ACOT7: variants seen among roughly 807,000 people sequenced by gnomAD.
ACOT7 encodes acyl-CoA thioesterase 7.
A neutral mutation model predicts 40.2 loss-of-function variants in ACOT7; 12 were observed. The observed-to-expected ratio is 0.30, with a 90% CI of 0.19 to 0.48. The LOEUF is 0.48. ACOT7 is among the 20% of genes least tolerant of loss of function. ACOT7 has a pLI of 0.99. For synonymous variants in ACOT7, 228 were observed against 219.5 expected (o/e 1.04, Z -0.34); for missense variants, 395 against 530.8 (o/e 0.74, Z 2.51).
At chr1:6,339,033 A>C (rs1009130137) in intron 3 of ACOT7, among the ~76,000 whole-genome samples, 9 of 152,178 alleles carry the variant, frequency 5.9e-5, no homozygotes, top group African/African-American at 2.2e-4. Context: ...CTCTGGAGCC[A>C]ACACCTCCCT....
In ACOT7 at chr1:6,288,311, A is replaced by C. The variant is rs546832769; in HGVS notation, c.829+6553T>G. ...GGTGGGTGGGCACTTCCCATTTCCC[A>C]TGAGATCCAGTCGCACAGATGAAGC... On this transcript the variant is annotated intron_variant, in intron 7 of 8. Transcript: ENST00000361521. The surrounding 1 kb of genome is among the most constrained non-coding windows in gnomAD (Gnocchi z 4.3). Among the ~76,000 whole-genome samples the C allele has an allele frequency of 6.6e-6, 1 of 152,274 alleles. No individual in the cohort carries two copies. The highest frequency in any genetic ancestry group is 2.1e-4 in the South Asian group (1 of 4,816).
rs529771982 is a variant in ACOT7, at chr1:6,306,808, G to T, written c.712+11684C>A. 1 of 1,288,750 alleles carries T rather than the reference G, an allele frequency of 7.8e-7. No homozygotes were observed. The highest frequency in any genetic ancestry group is 2.3e-5 in the Admixed American group (1 of 43,514). 79.8% of individuals were successfully genotyped at this position (1,288,750 alleles called of 1,614,324 possible). ...TGTCCCACGTAGCAGTGGGGGCTCC[G>T]GCCAAACAAGGTCACGGAATTGGAA... On this transcript the variant is annotated intron_variant, in intron 6 of 8. Coordinates refer to ENST00000361521, the MANE Select transcript of ACOT7 (RefSeq NM_007274.4). This position sits in a 1 kb window ranked among gnomAD's most constrained non-coding sequence, Gnocchi z 4.3.
chr1:6,325,892 G>T lies in ACOT7; in HGVS notation c.625+1407C>A, dbSNP rs148201819. The stretch of plus-strand genomic sequence containing the variant: ...AGGGGCCAGGGCGCCTCTCGGCAGG[G>T]CTAGGAGCAGGTGGACCCCAGAGTG... On this transcript the variant is annotated intron_variant, in intron 5 of 8. Transcript: ENST00000361521. 1.5e-3 allele frequency among the ~76,000 whole-genome samples: 226 copies of T among 152,350 alleles called. No homozygotes were observed. The East Asian group carries it at 0.026, about 18-fold the overall frequency.
intron 2 of ACOT7, among the ~76,000 whole-genome samples, chr1:6,340,115 G>A (rs952523819): frequency 2.6e-5 from 4 of 151,946 alleles, no homozygotes; most frequent in Admixed American, 6.6e-5. Context: ...ACAGGCGCCC[G>A]CCACCATGCC....
At chr1:6,351,656 GA>G (rs1557663627) in intron 1 of ACOT7, among the ~76,000 whole-genome samples, 1 of 152,206 alleles carries the variant, frequency 6.6e-6, no homozygotes, top group African/African-American at 2.4e-5. Context: ...GAGCAGTGAG[GA>G]AACATCAGCC....
chr1:6,298,101 C>T lies in ACOT7; in HGVS notation c.713-3121G>A, dbSNP rs567643638. ...CTTTCAAACACCTGGGGCATCTGTT[C>T]GGCTCAACCTGTGCTGGGGGCATCA... On this transcript the variant is annotated intron_variant, in intron 6 of 8. Coordinates refer to ENST00000361521, the MANE Select transcript of ACOT7 (RefSeq NM_007274.4). Among the ~76,000 whole-genome samples the T allele has an allele frequency of 7.2e-5, 11 of 152,302 alleles. 1 individual carries two copies. Among genetic ancestry groups the T allele is most frequent in the South Asian group, 4.1e-4 (2 of 4,828 alleles).
intron 4 of ACOT7, among the ~76,000 whole-genome samples, chr1:6,332,578 G>A (rs767975638): frequency 2.0e-5 from 3 of 152,166 alleles, no homozygotes; most frequent in African/African-American, 4.8e-5. Flanking sequence ...CACTTTGGGA[G>A]GCCGAGGTGG....
chr1:6,288,193 G>A lies in ACOT7; in HGVS notation c.829+6671C>T, dbSNP rs1256922689. ...TACCGGGCTCCACGTGCCTTCCCCT[G>A]TGCTGGTCCCCTGGGTGCGGGCTCC... On this transcript the variant is annotated intron_variant, in intron 7 of 8. Coordinates refer to ENST00000361521, the MANE Select transcript of ACOT7 (RefSeq NM_007274.4). This position sits in a 1 kb window ranked among gnomAD's most constrained non-coding sequence, Gnocchi z 4.3. Among the ~76,000 whole-genome samples the A allele has an allele frequency of 6.6e-6, 1 of 152,206 alleles. No homozygotes were observed.
At chr1:6,321,211 G>A (rs1640636136) in intron 5 of ACOT7, among the ~76,000 whole-genome samples, 1 of 152,188 alleles carries the variant, frequency 6.6e-6, no homozygotes, top group Non-Finnish European at 1.5e-5. Flanking sequence ...GGAAATAGGG[G>A]CCCACGGCCC....
chr1:6,367,342 C>T (rs1642032801), intron 1 of ACOT7, among the ~76,000 whole-genome samples: 1 of 152,180 alleles, frequency 6.6e-6, no homozygotes, highest in South Asian at 2.1e-4. Context: ...CTTGTGGCAC[C>T]TTTGCCTAAG....
At position 6,311,061 on chromosome 1, in the gene ACOT7, C is replaced by T. The variant is rs1640316996; in HGVS notation, c.712+7431G>A. Among the ~76,000 whole-genome samples, 1 of 152,170 alleles carries T rather than the reference C, an allele frequency of 6.6e-6. No individual in the cohort carries two copies. The highest frequency in any genetic ancestry group is 2.1e-4 in the South Asian group (1 of 4,830). ...CCGGAATCTGCACTTTTAACAAGCA[C>T]AAAGATGGTTTCTAAGGCTCAGATG... On this transcript the variant is annotated intron_variant, in intron 6 of 8. Coordinates refer to ENST00000361521, the MANE Select transcript of ACOT7 (RefSeq NM_007274.4). This position sits in a 1 kb window ranked among gnomAD's most constrained non-coding sequence, Gnocchi z 5.2.
chr1:6,283,557 T>C (rs767278155), intron 7 of ACOT7, among the ~76,000 whole-genome samples: 2 of 152,258 alleles, frequency 1.3e-5, no homozygotes, highest in Non-Finnish European at 2.9e-5. Context: ...TTAATTGCTG[T>C]GTTAGAAATC....
chr1:6,362,516 T>C (rs890704179), intron 1 of ACOT7, among the ~76,000 whole-genome samples: 1 of 150,304 alleles, frequency 6.7e-6, no homozygotes, highest in Non-Finnish European at 1.5e-5. Context: ...GCCAAGCATA[T>C]AGAAAGAAGG....
chr1:6,289,914 A>G lies in ACOT7; in HGVS notation c.829+4950T>C, dbSNP rs1401090497. Among the ~76,000 whole-genome samples the G allele has an allele frequency of 6.6e-6, 1 of 151,754 alleles. No individual in the cohort carries two copies. Among genetic ancestry groups the G allele is most frequent in the Non-Finnish European group, 1.5e-5 (1 of 68,036 alleles). ...TGCTAAGACAGAATAATGTGCTCCC[A>G]AAAGATGCCCACACCCAAATCCACT... On this transcript the variant is annotated intron_variant, in intron 7 of 8. Coordinates refer to ENST00000361521, the MANE Select transcript of ACOT7 (RefSeq NM_007274.4). This position sits in a 1 kb window ranked among gnomAD's most constrained non-coding sequence, Gnocchi z 4.6.
At chr1:6,327,493 T>C (rs2148430922) in intron 4 of ACOT7, 80 bp from the exon 5 acceptor site, 2 of 1,280,432 alleles carry the variant, frequency 1.6e-6, no homozygotes, top group Non-Finnish European at 1.1e-6. Context: ...TCCCAGGCCC[T>C]TATAGCCTTG....
At chr1:6,339,739 GTT>G (rs57275707) in intron 2 of ACOT7, 150 bp from the exon 3 acceptor site, 5,426 of 518,970 alleles carry the variant, frequency 0.01, 4 homozygotes, top group East Asian at 0.016. Context: ...TGGCACCGCG[GTT>G]TTTTTTTTTT....
intron 1 of ACOT7, among the ~76,000 whole-genome samples, chr1:6,379,339 C>T (rs1412512564): frequency 6.6e-6 from 1 of 151,968 alleles, no homozygotes. Flanking sequence ...CTAATGCCTG[C>T]TCCCCAGCCT....
In ACOT7 at chr1:6,352,376, T is replaced by C. The variant is rs974386091; in HGVS notation, c.144-2510A>G. The stretch of plus-strand genomic sequence containing the variant: ...CTCTTCCCCTCCCCACCTCCCTCAT[T>C]CCTTCCAAACAGCTCAGGAACCGCT... On this transcript the variant is annotated intron_variant, in intron 1 of 8. Transcript: ENST00000361521. This position sits in a 1 kb window ranked among gnomAD's most constrained non-coding sequence, Gnocchi z 4.5. The C allele has an allele frequency of 1.3e-5, 2 of 152,050 alleles. No individual in the cohort carries two copies. The highest frequency in any genetic ancestry group is 2.9e-5 in the Non-Finnish European group (2 of 68,216). The allele number at this position is 152,050 out of a possible 1,614,324, so 9.4% of individuals were successfully genotyped here. A position where few individuals can be genotyped will look rare whatever the true frequency, so the allele number is the denominator to read the frequency against.
In ACOT7 at chr1:6,268,714, C is replaced by T. The variant is rs541491564; in HGVS notation, c.1015-4019G>A. ...CGGCAGGGAGATCTCCGCCCAAGAG[C>T]GAGAAAACCTCCAGGGCTTCATACA... On this transcript the variant is annotated intron_variant, in intron 8 of 8. Transcript: ENST00000361521. Among the ~76,000 whole-genome samples the T allele has an allele frequency of 3.9e-5, 6 of 152,360 alleles. No individual in the cohort carries two copies. In the South Asian group the frequency reaches 6.2e-4, roughly 16 times the overall value.
Sources: gnomAD v4.1 joint callset for allele counts (sites outside exome capture counted in the v4.1 genomes callset) on GRCh38, gnomAD v4.1.1 for gene constraint, Gnocchi (gnomAD v3.1) non-coding constraint, MANE v1.5 for transcripts, NCBI Gene and HGNC (gene_info 2026-07-23, HGNC 2026-07-21) for gene names.